The following TMEM74 variants were observed in gnomAD, a reference collection of about 807,000 sequenced individuals.
TMEM74 encodes the protein transmembrane protein 74.
Under a neutral mutation model 18.1 loss-of-function variants are expected in TMEM74, and 13 were observed. The observed-to-expected ratio is 0.72, with a 90% confidence interval of 0.47 to 1.14. TMEM74 has a LOEUF of 1.14. Ranked by LOEUF, TMEM74 falls within the 50% of genes most tolerant of loss-of-function variation. TMEM74 has a pLI of 0.00. For synonymous variants in TMEM74, 159 were observed against 146.6 expected (o/e 1.08, Z -0.61); for missense variants, 372 against 375.9 (o/e 0.99, Z 0.09).
chr8:108,718,843 T>G (rs1170985134), intron 1 of TMEM74, among the ~76,000 whole-genome samples: 1 of 152,084 alleles, frequency 6.6e-6, no homozygotes, highest in African/African-American at 2.4e-5. Flanking sequence ...GCAATTTATA[T>G]TCACATAGTT....
intron 2 of TMEM74, among the ~76,000 whole-genome samples, chr8:108,626,257 C>T (rs1396952436): frequency 1.3e-5 from 2 of 151,892 alleles, no homozygotes; most frequent in African/African-American, 4.8e-5. Context: ...GGAAAAAATC[C>T]AGAATGCTAT....
At chr8:108,676,898 G>C (rs1407164485) in intron 1 of TMEM74, among the ~76,000 whole-genome samples, 2 of 152,204 alleles carry the variant, frequency 1.3e-5, no homozygotes, top group Non-Finnish European at 2.9e-5. Context: ...ATAACTGAAT[G>C]AAAGAATCAA....
chr8:108,771,927 G>C lies in TMEM74; in HGVS notation n.119+15549C>G, dbSNP rs181251047. ...ATTAACTGATGCTCCGAAAAGTAAC[G>C]TATGAGGTATCATCTTTCATAGCAA... is the stretch of plus-strand genomic sequence containing the variant. On this transcript the variant is annotated intron_variant and non_coding_transcript_variant, in intron 1 of 3. Coordinates refer to the TMEM74 transcript ENST00000518838. Among the ~76,000 whole-genome samples the C allele has an allele frequency of 1.6e-3, 238 of 152,006 alleles. 2 individuals are homozygous for C. In the Middle Eastern group the frequency reaches 0.054, roughly 35 times the overall value.
chr8:108,684,602 T>C (rs962840798), intron 1 of TMEM74, among the ~76,000 whole-genome samples: 1 of 152,136 alleles, frequency 6.6e-6, no homozygotes, highest in African/African-American at 2.4e-5. Flanking sequence ...TTGTTTATTT[T>C]TGCTTTTGTG....
intron 1 of TMEM74, among the ~76,000 whole-genome samples, chr8:108,692,987 A>C (rs1301467636): frequency 2.0e-5 from 3 of 151,858 alleles, no homozygotes; most frequent in Non-Finnish European, 2.9e-5. Flanking sequence ...GGGCAAATGC[A>C]GTAGAGTGTG....
intron 2 of TMEM74, among the ~76,000 whole-genome samples, chr8:108,617,196 C>T (rs1220589249): frequency 6.6e-6 from 1 of 151,742 alleles, no homozygotes; most frequent in East Asian, 2.0e-4. Context: ...CAAGCAGATG[C>T]AAAGGCCCTG....
At chr8:108,746,345 T>A (rs917577319) in intron 1 of TMEM74, among the ~76,000 whole-genome samples, 12 of 152,060 alleles carry the variant, frequency 7.9e-5, no homozygotes, top group African/African-American at 2.7e-4. Flanking sequence ...TGGTTTTCCC[T>A]AGGCAATGCA....
At chr8:108,743,622 G>C (rs1203852702) in intron 1 of TMEM74, among the ~76,000 whole-genome samples, 2 of 152,124 alleles carry the variant, frequency 1.3e-5, no homozygotes, top group Non-Finnish European at 2.9e-5. Context: ...TTACCTGGCA[G>C]ACTTGTCTAT....
At chr8:108,682,318 A>G (rs1052921587) in intron 1 of TMEM74, among the ~76,000 whole-genome samples, 2 of 151,988 alleles carry the variant, frequency 1.3e-5, no homozygotes, top group Non-Finnish European at 2.9e-5. Flanking sequence ...CCTACCTAAC[A>G]TCTATCATCA....
chr8:108,610,121 G>A (rs76086076), intron 2 of TMEM74, among the ~76,000 whole-genome samples: 3,727 of 152,222 alleles, frequency 0.024, 152 homozygotes, highest in African/African-American at 0.086. Flanking sequence ...TAGGACCTAG[G>A]AACCTGCATT....
At chr8:108,698,702 C>G (rs1563529116) in intron 1 of TMEM74, among the ~76,000 whole-genome samples, 1 of 152,114 alleles carries the variant, frequency 6.6e-6, no homozygotes, top group Non-Finnish European at 1.5e-5. Context: ...AGTGTTTAAC[C>G]ATTTCATACC....
At chr8:108,707,213 A>G (rs1050663215) in intron 1 of TMEM74, among the ~76,000 whole-genome samples, 9 of 151,870 alleles carry the variant, frequency 5.9e-5, no homozygotes, top group African/African-American at 2.2e-4. Flanking sequence ...GAGGGATAGC[A>G]TTAGGAAAAA....
chr8:108,705,502 G>T (rs1400860811), intron 1 of TMEM74, among the ~76,000 whole-genome samples: 1 of 152,124 alleles, frequency 6.6e-6, no homozygotes, highest in Non-Finnish European at 1.5e-5. Flanking sequence ...ATTAGGAAAA[G>T]GCTCCCCTGT....
intron 1 of TMEM74, among the ~76,000 whole-genome samples, chr8:108,740,867 C>T (rs1304529913): frequency 1.3e-5 from 2 of 152,162 alleles, no homozygotes; most frequent in East Asian, 1.9e-4. Context: ...CACATGTGCA[C>T]CTAAAACTAT....
At chr8:108,678,530 ATT>A (rs5893929) in intron 1 of TMEM74, among the ~76,000 whole-genome samples, 3 of 138,840 alleles carry the variant, frequency 2.2e-5, no homozygotes, top group Admixed American at 7.2e-5. Flanking sequence ...GCACCCAGCT[ATT>A]TTTTTTTTTT....
chr8:108,639,543 A>G (rs1812642133), intron 2 of TMEM74, among the ~76,000 whole-genome samples: 1 of 152,190 alleles, frequency 6.6e-6, no homozygotes, highest in African/African-American at 2.4e-5. Flanking sequence ...AATGAAATAA[A>G]TAAATGTGGC....
At chr8:108,614,394 T>C (rs1350996055) in intron 2 of TMEM74, among the ~76,000 whole-genome samples, 1 of 152,188 alleles carries the variant, frequency 6.6e-6, no homozygotes, top group Non-Finnish European at 1.5e-5. Context: ...ATTTTAAGAA[T>C]AATTTTCTCA....
At chr8:108,771,933 G>A (rs866167202) in intron 1 of TMEM74, among the ~76,000 whole-genome samples, 3 of 151,716 alleles carry the variant, frequency 2.0e-5, no homozygotes, top group African/African-American at 7.3e-5. Flanking sequence ...TAACGTATGA[G>A]GTATCATCTT....
intron 1 of TMEM74, among the ~76,000 whole-genome samples, chr8:108,756,654 A>AAG (rs1563543749): frequency 6.0e-4 from 30 of 50,354 alleles, no homozygotes; most frequent in East Asian, 1.6e-3. Context: ...AAGAAAGAGA[A>AAG]AGAAAGAAAG....
Sources: allele counts gnomAD v4.1 joint callset (sites outside exome capture counted in the v4.1 genomes callset), GRCh38; gene constraint gnomAD v4.1.1; transcripts MANE v1.5; gene names NCBI Gene and HGNC (gene_info 2026-07-23, HGNC 2026-07-21).